Variants in OVCH2 observed in about 807,000 individuals in gnomAD.
OVCH2 encodes ovochymase-2.
OVCH2 carries 88 observed loss-of-function variants against 73.7 expected under a neutral mutation model. The ratio of observed to expected loss-of-function variants is 1.19; its 90% CI spans 1.01 to 1.43. OVCH2 has a LOEUF of 1.43. OVCH2 is among the 40% of genes most tolerant of loss of function. The probability of loss-of-function intolerance (pLI) is 0.00; values close to 1 mark genes in which losing one functional copy is unlikely to be tolerated. For missense variants in OVCH2, 706 were observed against 674.5 expected, an observed-to-expected ratio of 1.05 and a Z score of -0.52; for synonymous variants, 265 against 234.5, an observed-to-expected ratio of 1.13 and a Z score of -1.19.
rs781442851 is a variant in OVCH2, at chr11:7,695,557, T to C, written c.1282+13A>G. 7 of 1,607,378 alleles carry C rather than the reference T, an allele frequency of 4.4e-6. No homozygotes were observed. The highest frequency in any genetic ancestry group is 1.1e-5 in the South Asian group (1 of 90,332). The stretch of plus-strand genomic sequence containing the variant: ...GGTGGAGATAGTATGTGATTAAAAG[T>C]AAATGGTTTTACCAGGAATGTAGTT... On this transcript the variant is annotated intron_variant, in intron 11 of 15. Coordinates refer to ENST00000533663, the MANE Select transcript of OVCH2 (RefSeq NM_198185.7).
Position 7,695,643 on chromosome 11 carries a change from G to A in OVCH2, c.1209C>T (p.Phe403=), listed in dbSNP as rs779446765. 281 of 1,607,948 alleles carry A rather than the reference G, an allele frequency of 1.7e-4. No homozygotes were observed. The highest frequency in any genetic ancestry group is 2.3e-4 in the Non-Finnish European group (277 of 1,179,752). The change falls in exon 11 of 16, where the codon TTC becomes TTT. Residue 403 remains phenylalanine (F), a synonymous_variant. Coordinates refer to ENST00000533663, the MANE Select transcript of OVCH2 (RefSeq NM_198185.7). ...CTGCATTATCTGTGGCATCAGAGAC[G>A]AATTTCAGCCTTAGAGAATTAGAGC... is the stretch of plus-strand genomic sequence containing the variant. ...LIGSNSLRLK[F]VSDATDNAAG... is the part of the protein sequence containing the mutation.
Position 7,699,016 on chromosome 11 carries a change from CACAGAGGAAGGGGTCATTTT to C in OVCH2, c.902-263_902-244del, listed in dbSNP as rs377434504. On this transcript the variant is annotated intron_variant, in intron 7 of 15. Coordinates refer to ENST00000533663, the MANE Select transcript of OVCH2 (RefSeq NM_198185.7). ...TGAAATGGTAATTAACTGGAGGTTT[CACAGAGGAAGGGGTCATTTT>C]ACATAAGAACAGAGGCTAGAGATGG... 1.1e-3 allele frequency: 488 copies of C among 447,798 alleles called. 2 individuals are homozygous for C. The highest frequency in any genetic ancestry group is 9.2e-3 in the African/African-American group (456 of 49,488). The allele number at this position is 447,798 out of a possible 1,614,324, so 27.7% of individuals were successfully genotyped here.
At chr11:7,696,829 T>G (rs1681786617) in intron 8 of OVCH2, 30 bp from the exon 9 acceptor site, 1 of 1,581,386 alleles carries the variant, frequency 6.3e-7, no homozygotes, top group African/African-American at 1.3e-5. Context: ...GAGTCAGGGT[T>G]AGTTATGCCA....
intron 11 of OVCH2, 80 bp from the exon 12 acceptor site, chr11:7,695,268 G>A: frequency 1.4e-6 from 2 of 1,419,276 alleles, no homozygotes; most frequent in South Asian, 1.4e-5. Flanking sequence ...CCTGTCTCCT[G>A]AAAATGATGC....
chr11:7,696,632 A>G, intron 9 of OVCH2, 43 bp from the exon 10 acceptor site: 1 of 1,613,930 alleles, frequency 6.2e-7, no homozygotes, highest in Non-Finnish European at 8.5e-7. Flanking sequence ...TAGACAGAAA[A>G]CGACTATCAC....
In OVCH2 at chr11:7,706,386, T is replaced by A; in HGVS notation, c.9A>T (p.Ile3=). 6.4e-7 allele frequency: 1 copy of A among 1,572,218 alleles called. No individual in the cohort carries two copies. The highest frequency in any genetic ancestry group is 8.6e-7 in the Non-Finnish European group (1 of 1,156,692). ...GTAGTAAAATCAGCTTGTTCCTGCT[T>A]ATAAGCATTTTGAGACTCATAGTTT... The part of the protein sequence containing the change: ML[I]SRNKLILLLG... The change falls in exon 1 of 16, where the codon ATA becomes ATT. Residue 3 remains isoleucine (I), a synonymous_variant. Coordinates refer to ENST00000533663, the MANE Select transcript of OVCH2 (RefSeq NM_198185.7).
chr11:7,684,674 G>T (rs1565163874), downstream of OVCH2, among the ~76,000 whole-genome samples: 1 of 152,088 alleles, frequency 6.6e-6, no homozygotes, highest in Non-Finnish European at 1.5e-5. Context: ...ATAAGATATA[G>T]TTAATTCTCT....
chr11:7,703,695 T>C lies in OVCH2; in HGVS notation c.290+3A>G, dbSNP rs1216281448. 6.3e-7 allele frequency: 1 copy of C among 1,598,346 alleles called. No individual in the cohort carries two copies. The highest frequency in any genetic ancestry group is 8.5e-7 in the Non-Finnish European group (1 of 1,172,560). On this transcript the variant is annotated splice_donor_region_variant and intron_variant, in intron 3 of 15. Transcript: ENST00000533663. ...CTTCACTCATGGGCTAGGCCTTTCT[T>C]ACCTGTTTGCAATGCAGTGAGCCGC...
chr11:7,700,576 T>C (rs1217636303), intron 6 of OVCH2, 91 bp from the exon 7 acceptor site: 15 of 1,331,304 alleles, frequency 1.1e-5, no homozygotes, highest in East Asian at 2.5e-5. Context: ...TGGAGGAGGA[T>C]CAATGACATC....
At chr11:7,685,291 C>A (rs192544815), downstream of OVCH2, among the ~76,000 whole-genome samples, 1 of 152,094 alleles carries the variant, frequency 6.6e-6, no homozygotes, top group Non-Finnish European at 1.5e-5. Context: ...TACCGAACTA[C>A]GTGAGATAAC....
At position 7,698,842 on chromosome 11, in the gene OVCH2, A is replaced by G. The variant is rs1255139377; in HGVS notation, c.902-69T>C. On this transcript the variant is annotated intron_variant, in intron 7 of 15. Coordinates refer to ENST00000533663, the MANE Select transcript of OVCH2 (RefSeq NM_198185.7). ...CTGAACAACGCTTCAAGAAGTTAGCATCTTCTTGGCGCACAAGAGATTTTT... is the reference window on the plus strand; with the variant it reads ...CTGAACAACGCTTCAAGAAGTTAGCGTCTTCTTGGCGCACAAGAGATTTTT... 8 of 1,523,206 alleles carry G rather than the reference A, an allele frequency of 5.3e-6. No homozygotes were observed. In the African/African-American group the frequency reaches 5.5e-5, roughly 11 times the overall value. 94.4% of individuals were successfully genotyped at this position (1,523,206 alleles called of 1,614,324 possible).
At chr11:7,696,626 CAG>C in intron 9 of OVCH2, 37 bp from the exon 10 acceptor site, 1 of 1,613,938 alleles carries the variant, frequency 6.2e-7, no homozygotes, top group African/African-American at 1.3e-5. Flanking sequence ...TATTTCTAGA[CAG>C]AAAACGACTA....
At chr11:7,700,122 T>C in intron 7 of OVCH2, 174 bp downstream of exon 7, 1 of 623,436 alleles carries the variant, frequency 1.6e-6, no homozygotes, top group Non-Finnish European at 2.7e-6. Flanking sequence ...CCACATACCA[T>C]ATTTTACTCT....
In OVCH2 at chr11:7,701,728, G is replaced by T; in HGVS notation, c.547C>A (p.Arg183Ser). 1 of 1,611,526 alleles carries T rather than the reference G, an allele frequency of 6.2e-7. No homozygotes were observed. Among genetic ancestry groups the T allele is most frequent in the Non-Finnish European group, 8.5e-7 (1 of 1,179,048 alleles). ...GFICTTAGWG[R>S]LTEGGVLSQV... ...CACAAGTTCTTACCTTCAGTTAAGC[G>T]GCCCCAGCCTGCAGTTGTACAAATA... The change falls in exon 5 of 16, where the codon CGC becomes AGC. Residue 183 changes from arginine (R) to serine (S), a missense_variant. Arg to Ser is a moderately radical substitution (Grantham distance 110). Coordinates refer to ENST00000533663, the MANE Select transcript of OVCH2 (RefSeq NM_198185.7).
Position 7,703,745 on chromosome 11 carries a change from G to A in OVCH2, c.243C>T (p.Ile81=), listed in dbSNP as rs751137897. The change falls in exon 3 of 16, where the codon ATC becomes ATT. Residue 81 remains isoleucine, a synonymous_variant. Transcript: ENST00000533663. ...QRQKHICGGS[I]VSPQWVITAA... is the part of the protein sequence containing the mutation. ...CCGTGATCACCCACTGTGGTGAGAC[G>A]ATGCTTCCTCCACAAATATGCTTCT... The A allele has an allele frequency of 1.3e-5, 21 of 1,610,702 alleles. No individual in the cohort carries two copies. The Admixed American group carries it at 2.0e-4, about 15-fold the overall frequency.
At chr11:7,701,520 C>T in intron 5 of OVCH2, 45 bp from the exon 6 acceptor site, 1 of 1,585,898 alleles carries the variant, frequency 6.3e-7, no homozygotes, top group Non-Finnish European at 8.6e-7. Context: ...CTCTTTCACC[C>T]TTTCTGAGTT....
rs951364278 is a variant in OVCH2, at chr11:7,701,718, T to G, written c.557A>C (p.Glu186Ala). ...CTTAGWGRLT[E>A]GGVLSQVLQE... ...AGGAATGGCACACAAGTTCTTACCT[T>G]CAGTTAAGCGGCCCCAGCCTGCAGT... The change falls in exon 5 of 16, where the codon GAA becomes GCA. Residue 186 changes from glutamate (E) to alanine (A), a missense_variant and splice_region_variant. Glu to Ala is a moderately radical substitution (Grantham distance 107, BLOSUM62 -1). Transcript: ENST00000533663. 1.2e-6 allele frequency: 2 copies of G among 1,610,828 alleles called. No individual in the cohort carries two copies. Among genetic ancestry groups the G allele is most frequent in the South Asian group, 1.1e-5 (1 of 90,128 alleles).
downstream of OVCH2, among the ~76,000 whole-genome samples, chr11:7,688,943 C>T (rs1377205002): frequency 2.0e-5 from 3 of 152,184 alleles, no homozygotes; most frequent in Admixed American, 6.5e-5. Context: ...CTGAATTATT[C>T]ACTCGAGATG....
At chr11:7,685,173 G>A (rs1856129107), downstream of OVCH2, among the ~76,000 whole-genome samples, 2 of 152,088 alleles carry the variant, frequency 1.3e-5, no homozygotes, top group African/African-American at 2.4e-5. Context: ...CAGAGAAGTC[G>A]AGTGGCAGGG....
Sources: gnomAD v4.1 joint callset for allele counts (sites outside exome capture counted in the v4.1 genomes callset) on GRCh38, gnomAD v4.1.1 for gene constraint, MANE v1.5 for transcripts, NCBI Gene and HGNC (gene_info 2026-07-23, HGNC 2026-07-21) for gene names.